The following ENPP5 variants were observed in gnomAD, a reference collection of about 807,000 sequenced individuals.
The protein encoded by ENPP5 is E-NPP 5.
In ENPP5, 27 loss-of-function variants were observed where a neutral mutation model predicts 33.7. The ratio of observed to expected loss-of-function variants is 0.80; its 90% CI spans 0.59 to 1.11. The LOEUF (loss-of-function observed/expected upper bound fraction) is 1.11, where lower values mean the gene tolerates loss of function less well. ENPP5 is among the 50% of genes least tolerant of loss of function. ENPP5 has a pLI of 0.00. For missense variants in ENPP5, 552 were observed against 579.2 expected (o/e 0.95, Z 0.48); for synonymous variants, 199 against 200.5 (o/e 0.99, Z 0.06).
At chr6:46,167,348 C>T (rs532584195) in intron 3 of ENPP5, 86 bp downstream of exon 3, 54 of 850,250 alleles carry the variant, frequency 6.4e-5, no homozygotes, top group African/African-American at 4.7e-4. Context: ...ACTTTAAAGG[C>T]GCAGCAACAG....
intron 2 of ENPP5, among the ~76,000 whole-genome samples, chr6:46,169,067 A>G (rs568510240): frequency 6.6e-6 from 1 of 152,298 alleles, no homozygotes; most frequent in South Asian, 2.1e-4. Flanking sequence ...TAATCTTATC[A>G]TTGATAGGTG....
intron 4 of ENPP5, chr6:46,164,893 C>G (rs796502910): frequency 2.6e-5 from 4 of 152,474 alleles, no homozygotes; most frequent in African/African-American, 9.7e-5. Flanking sequence ...CGCCCACCAC[C>G]ATGCCAGGCT....
In ENPP5 at chr6:46,167,588, T is replaced by C. The variant is rs866029429; in HGVS notation, c.675A>G (p.Ala225=). 4 of 1,614,106 alleles carry C rather than the reference T, an allele frequency of 2.5e-6. No individual in the cohort carries two copies. Among genetic ancestry groups the C allele is most frequent in the African/African-American group, 2.7e-5 (2 of 74,936 alleles). ...LGYLIQMLKK[A]KLWNTLNLII... ...TTAGGTTCAGAGTGTTCCACAACTT[T>C]GCCTTTTTCAGCATTTGTATGAGAT... The change falls in exon 3 of 5, where the codon GCA becomes GCG. Residue 225 remains alanine, a synonymous_variant. Coordinates refer to ENST00000371383, the MANE Select transcript of ENPP5 (RefSeq NM_001290072.2).
Position 46,167,766 on chromosome 6 carries a change from CTA to C in ENPP5, c.495_496del (p.Asp165GlufsTer7). On this transcript the variant is annotated frameshift_variant, in exon 3 of 5. Transcript: ENST00000371383. LOFTEE classifies it high-confidence loss of function. ...AAACCATTCAATAATTTTGGCAACT[CTA>C]TCTTCAAATGAAACTGACTCATTGT... 6.2e-7 allele frequency: 1 copy of C among 1,613,930 alleles called. No homozygotes were observed. The highest frequency in any genetic ancestry group is 2.2e-5 in the East Asian group (1 of 44,874).
In ENPP5 at chr6:46,167,992, C is replaced by A. The variant is rs1764607079; in HGVS notation, c.271G>T (p.Val91Phe). Residue 91 changes from valine to phenylalanine, a missense_variant, in exon 3 of 5, where the codon GTT (valine) becomes TTT (phenylalanine). Val to Phe is a conservative substitution (Grantham distance 50, BLOSUM62 -1). Coordinates refer to ENST00000371383, the MANE Select transcript of ENPP5 (RefSeq NM_001290072.2). The part of the protein sequence containing the change: ...TGLFAENHGI[V>F]ANDMFDPIRN... Reference sequence around the variant, plus strand: ...ATAGGATCAAACATATCATTTGCAACAATCCCATGATTCTCTGCAAAGAGG... The same window carrying A: ...ATAGGATCAAACATATCATTTGCAAAAATCCCATGATTCTCTGCAAAGAGG... The A allele has an allele frequency of 2.5e-6, 4 of 1,614,062 alleles. No individual in the cohort carries two copies. The highest frequency in any genetic ancestry group is 8.5e-7 in the Non-Finnish European group (1 of 1,180,030).
At position 46,159,548 on chromosome 6, in the gene ENPP5, T is replaced by TC. The variant is rs1209185138; in HGVS notation, c.*1777dup. 1 of 152,136 alleles carries TC rather than the reference T, an allele frequency of 6.6e-6. No individual in the cohort carries two copies. Among genetic ancestry groups the TC allele is most frequent in the Admixed American group, 6.5e-5 (1 of 15,276 alleles). 9.4% of individuals were successfully genotyped at this position (152,136 alleles called of 1,614,324 possible). On this transcript the variant is annotated 3_prime_UTR_variant, in exon 5 of 5. Coordinates refer to ENST00000371383, the MANE Select transcript of ENPP5 (RefSeq NM_001290072.2). ...GGAGTTTGCTACCTACCATATACTT[T>TC]CTCAGCTTTTTAATCTATAGGCCAT...
chr6:46,166,055 C>T (rs1764535057), intron 3 of ENPP5, among the ~76,000 whole-genome samples: 1 of 152,202 alleles, frequency 6.6e-6, no homozygotes, highest in Non-Finnish European at 1.5e-5. Flanking sequence ...TACCCAGGCA[C>T]TGTCTTTCAT....
At position 46,161,389 on chromosome 6, in the gene ENPP5, G is replaced by C. The variant is rs1419231745; in HGVS notation, c.1371C>G (p.His457Gln). Residue 457 changes from histidine (H) to glutamine (Q), a missense_variant, in exon 5 of 5, where the codon CAC becomes CAG. Transcript: ENST00000371383. ...FFVIFIKHLIHSQIPALQDMH... is the reference protein window; with the variant it reads ...FFVIFIKHLIQSQIPALQDMH... ...TATCTTGTAAGGCAGGTATTTGACT[G>C]TGAATTAAATGCTTAATGAAAATTA... The C allele has an allele frequency of 3.7e-6, 6 of 1,613,586 alleles. No individual in the cohort carries two copies. Among genetic ancestry groups the C allele is most frequent in the Non-Finnish European group, 5.1e-6 (6 of 1,179,578 alleles).
Position 46,168,146 on chromosome 6 carries a change from A to C in ENPP5, c.117T>G (p.Arg39=). The change falls in exon 3 of 5, where the codon CGT becomes CGG. Residue 39 remains arginine (R), a synonymous_variant. Coordinates refer to ENST00000371383, the MANE Select transcript of ENPP5 (RefSeq NM_001290072.2). The stretch of plus-strand genomic sequence containing the variant: ...TTGGAACTTTATATAAGTAATCCCA[A>C]CGGAATCCATCAAAAGAAACTAGTA... ...KVLLVSFDGF[R]WDYLYKVPTP... The C allele has an allele frequency of 6.2e-7, 1 of 1,613,818 alleles. No individual in the cohort carries two copies. The highest frequency in any genetic ancestry group is 8.5e-7 in the Non-Finnish European group (1 of 1,179,712).
chr6:46,165,197 T>A (rs987633174), intron 4 of ENPP5, 190 bp downstream of exon 4: 1 of 493,780 alleles, frequency 2.0e-6, no homozygotes, highest in East Asian at 3.4e-5. Context: ...TTTGTATATA[T>A]CTTTTACATA....
chr6:46,163,451 G>T (rs1378885054), intron 4 of ENPP5, among the ~76,000 whole-genome samples: 2 of 144,970 alleles, frequency 1.4e-5, no homozygotes, highest in Non-Finnish European at 3.0e-5. Context: ...CCACCTATGA[G>T]TGAGAATATG....
At chr6:46,170,317 A>G (rs937890681) in intron 1 of ENPP5, among the ~76,000 whole-genome samples, 2 of 152,206 alleles carry the variant, frequency 1.3e-5, no homozygotes, top group Admixed American at 1.3e-4. Flanking sequence ...ATGTTTGGCA[A>G]GAAGACTCAA....
intron 4 of ENPP5, among the ~76,000 whole-genome samples, chr6:46,162,805 T>G (rs1490574797): frequency 6.6e-6 from 1 of 152,188 alleles, no homozygotes; most frequent in Non-Finnish European, 1.5e-5. Flanking sequence ...AGCACTGAAA[T>G]TATGAATCAC....
At position 46,161,630 on chromosome 6, in the gene ENPP5, A is replaced by G; in HGVS notation, c.1130T>C (p.Leu377Pro). The G allele has an allele frequency of 6.2e-7, 1 of 1,613,976 alleles. No individual in the cohort carries two copies. Among genetic ancestry groups the G allele is most frequent in the African/African-American group, 1.3e-5 (1 of 75,056 alleles). Residue 377 changes from leucine to proline, a missense_variant, in exon 5 of 5, where the codon CTA becomes CCA. Physicochemically the swap from Leu to Pro is moderately conservative, Grantham distance 98. Transcript: ENST00000371383. ...AMNSTDLYPLLCHLLNITAMP... is the reference protein window; with the variant it reads ...AMNSTDLYPLPCHLLNITAMP... ...GGCGGTGATATTGAGGAGGTGGCATAGTAGTGGGTACAAATCTGTGGAGTT... is the reference window on the plus strand; with the variant it reads ...GGCGGTGATATTGAGGAGGTGGCATGGTAGTGGGTACAAATCTGTGGAGTT...
chr6:46,168,337 GT>G, intron 2 of ENPP5, 40 bp from the exon 3 acceptor site: 1 of 968,548 alleles, frequency 1.0e-6, no homozygotes, highest in Non-Finnish European at 1.5e-6. Flanking sequence ...CAATAATTTT[GT>G]TTTGTATACT....
rs751109599 is a variant in ENPP5 at position 46,161,038 on chromosome 6, T to C, written c.*288A>G. ...GGTACTTTACATAGTGCAAAGTTGC[T>C]AAATATATACATTATCTGCGCCAAG... On this transcript the variant is annotated 3_prime_UTR_variant, in exon 5 of 5. Transcript: ENST00000371383. 1.1e-4 allele frequency: 38 copies of C among 357,696 alleles called. No homozygotes were observed. The highest frequency in any genetic ancestry group is 2.8e-4 in the Admixed American group (7 of 24,594). The allele number at this position is 357,696 out of a possible 1,614,324, so 22.2% of individuals were successfully genotyped here.
At chr6:46,166,447 ATTTTT>A (rs60483260) in intron 3 of ENPP5, among the ~76,000 whole-genome samples, 1 of 120,144 alleles carries the variant, frequency 8.3e-6, no homozygotes, top group Non-Finnish European at 1.7e-5. Flanking sequence ...ACACCAGGCT[ATTTTT>A]TTTTTTTTTT....
Position 46,168,091 on chromosome 6 carries a change from C to T in ENPP5, c.172G>A (p.Gly58Ser), listed in dbSNP as rs747954071. The T allele has an allele frequency of 3.7e-6, 6 of 1,613,846 alleles. No homozygotes were observed. The highest frequency in any genetic ancestry group is 5.1e-6 in the Non-Finnish European group (6 of 1,179,880). ...TTAGTAACTTGCTTCACGTGAACAC[C>T]ATATTTCATAATATAATGAAAATGG... is the stretch of plus-strand genomic sequence containing the variant. ...TPHFHYIMKY[G>S]VHVKQVTNVF... The change falls in exon 3 of 5, where the codon GGT becomes AGT. Residue 58 changes from glycine (G) to serine (S), a missense_variant. By Grantham distance (56) the Gly-to-Ser change is moderately conservative. Coordinates refer to ENST00000371383, the MANE Select transcript of ENPP5 (RefSeq NM_001290072.2).
At position 46,159,691 on chromosome 6, in the gene ENPP5, A is replaced by G. The variant is rs764416108; in HGVS notation, c.*1635T>C. On this transcript the variant is annotated 3_prime_UTR_variant, in exon 5 of 5. Coordinates refer to ENST00000371383, the MANE Select transcript of ENPP5 (RefSeq NM_001290072.2). ...ATAAGACATTCACCAAATTTTAGGA[A>G]GCACTTAAATTTGGTTAAATTTTTA... The G allele has an allele frequency of 3.9e-5, 6 of 152,228 alleles. No homozygotes were observed. The highest frequency in any genetic ancestry group is 7.3e-5 in the Non-Finnish European group (5 of 68,038). 9.4% of individuals were successfully genotyped at this position (152,228 alleles called of 1,614,324 possible).
Sources: allele counts gnomAD v4.1 joint callset (sites outside exome capture counted in the v4.1 genomes callset), GRCh38; gene constraint gnomAD v4.1.1; transcripts MANE v1.5; gene names NCBI Gene and HGNC (gene_info 2026-07-23, HGNC 2026-07-21).